The following TBC1D5 variants were observed in gnomAD, a reference collection of about 807,000 sequenced individuals.
TBC1D5 encodes the protein TBC1 domain family, member 5.
A neutral mutation model predicts 100.3 loss-of-function variants in TBC1D5; 75 were observed. The observed-to-expected ratio is 0.75, with a 90% CI of 0.62 to 0.91. The LOEUF (loss-of-function observed/expected upper bound fraction) is 0.91. TBC1D5 is among the 40% of genes least tolerant of loss of function. The pLI, the probability that TBC1D5 is intolerant of heterozygous loss-of-function variation, is 0.00. For synonymous variants in TBC1D5, 323 were observed against 325.6 expected (o/e 0.99, Z 0.09); for missense variants, 910 against 942.4 (o/e 0.97, Z 0.45).
intron 1 of TBC1D5, among the ~76,000 whole-genome samples, chr3:17,673,311 C>CTT (rs374496313): frequency 0.42 from 52,748 of 125,738 alleles, 12,239 homozygotes; most frequent in East Asian, 0.61. Flanking sequence ...CTTTTCTTTT[C>CTT]TTTTTTTTTT....
chr3:17,640,652 T>A (rs2064409329), intron 1 of TBC1D5, among the ~76,000 whole-genome samples: 1 of 152,060 alleles, frequency 6.6e-6, no homozygotes, highest in African/African-American at 2.4e-5. Flanking sequence ...GTGTTAGTCA[T>A]CAAAGACTAC....
chr3:17,533,629 C>T (rs958264160), intron 2 of TBC1D5, among the ~76,000 whole-genome samples: 2 of 152,118 alleles, frequency 1.3e-5, no homozygotes, highest in Non-Finnish European at 2.9e-5. Context: ...TTAATAGAGT[C>T]AGTATATAAT....
chr3:17,683,113 A>G (rs2069728863), intron 1 of TBC1D5, among the ~76,000 whole-genome samples: 1 of 151,620 alleles, frequency 6.6e-6, no homozygotes, highest in African/African-American at 2.4e-5. Context: ...GTTTAGAATT[A>G]TAATTGATTG....
At chr3:17,345,368 A>T (rs2089706660) in intron 13 of TBC1D5, among the ~76,000 whole-genome samples, 1 of 152,182 alleles carries the variant, frequency 6.6e-6, no homozygotes, top group South Asian at 2.1e-4. Flanking sequence ...AACCACAATG[A>T]GATACCATCT....
chr3:17,171,457 T>C (rs528860829), intron 19 of TBC1D5, among the ~76,000 whole-genome samples: 1 of 152,322 alleles, frequency 6.6e-6, no homozygotes, highest in East Asian at 1.9e-4. Flanking sequence ...GAAATCAAGC[T>C]GTTGGCAGGG....
At chr3:17,372,270 T>C (rs748095157) in intron 12 of TBC1D5, 23 bp from the exon 13 acceptor site, 4 of 1,569,900 alleles carry the variant, frequency 2.5e-6, no homozygotes, top group South Asian at 2.4e-5. Flanking sequence ...AAATTGAACA[T>C]GTATTATTTA....
At chr3:17,608,688 G>C (rs575746465) in intron 2 of TBC1D5, among the ~76,000 whole-genome samples, 1 of 152,196 alleles carries the variant, frequency 6.6e-6, no homozygotes, top group East Asian at 1.9e-4. Context: ...CAGAAGATCT[G>C]TTGTATTTTC....
intron 19 of TBC1D5, among the ~76,000 whole-genome samples, chr3:17,180,230 G>A (rs903665659): frequency 2.6e-5 from 4 of 152,156 alleles, no homozygotes; most frequent in Admixed American, 2.0e-4. Flanking sequence ...ATCACTTGGA[G>A]GTAATAAAAT....
chr3:17,242,124 C>T (rs1021336863), intron 16 of TBC1D5, among the ~76,000 whole-genome samples: 1 of 152,148 alleles, frequency 6.6e-6, no homozygotes, highest in African/African-American at 2.4e-5. Context: ...GGCTTTCTGA[C>T]CCGCACTCTA....
rs148700146 is a variant in TBC1D5, at chr3:17,732,148, T to C, written c.-101+7195A>G. On this transcript the variant is annotated intron_variant, in intron 1 of 21. Transcript: ENST00000253692. The stretch of plus-strand genomic sequence containing the variant: ...GCCTGGCCAATGTGGTGAAACCCCA[T>C]CTCTACTAAAAATACAAAAATTAGC... Among the ~76,000 whole-genome samples the C allele has an allele frequency of 5.3e-3, 808 of 151,582 alleles. 3 individuals carry two copies. Among genetic ancestry groups the C allele is most frequent in the Middle Eastern group, 0.01 (3 of 290 alleles).
intron 16 of TBC1D5, among the ~76,000 whole-genome samples, chr3:17,257,729 C>T (rs569965047): frequency 1.3e-5 from 2 of 152,326 alleles, no homozygotes; most frequent in African/African-American, 4.8e-5. Flanking sequence ...AACAGCAGAA[C>T]ACATTGTGTA....
At chr3:17,237,724 G>C (rs1243933225) in intron 17 of TBC1D5, among the ~76,000 whole-genome samples, 2 of 152,228 alleles carry the variant, frequency 1.3e-5, no homozygotes, top group Admixed American at 1.3e-4. Flanking sequence ...AGCTGGGTGA[G>C]AGACTGCAAG....
chr3:17,529,193 CT>C (rs150509068), intron 2 of TBC1D5, among the ~76,000 whole-genome samples: 10,503 of 152,234 alleles, frequency 0.069, 707 homozygotes, highest in African/African-American at 0.18. Context: ...CTGTGTGGCC[CT>C]TTAGCCACCA....
chr3:17,375,534 A>G (rs1385644490), intron 10 of TBC1D5, among the ~76,000 whole-genome samples: 1 of 151,936 alleles, frequency 6.6e-6, no homozygotes, highest in Non-Finnish European at 1.5e-5. Flanking sequence ...ACTGCTGCAT[A>G]GAGCAAGACT....
chr3:17,216,136 T>C (rs2073603945), intron 17 of TBC1D5, among the ~76,000 whole-genome samples: 1 of 152,122 alleles, frequency 6.6e-6, no homozygotes. Flanking sequence ...TGTGGCAGAT[T>C]TGGAGGGCTG....
chr3:17,662,388 T>A (rs2066749968), intron 1 of TBC1D5, among the ~76,000 whole-genome samples: 1 of 152,236 alleles, frequency 6.6e-6, no homozygotes, highest in African/African-American at 2.4e-5. Flanking sequence ...GGAGGTTACC[T>A]GGAAAGCCTT....
chr3:17,376,756 G>C lies in TBC1D5; in HGVS notation c.613-143C>G, dbSNP rs538276122. 7.3e-6 allele frequency: 4 copies of C among 549,160 alleles called. No homozygotes were observed. In the South Asian group the frequency reaches 1.6e-4, roughly 21 times the overall value. 34.0% of individuals were successfully genotyped at this position (549,160 alleles called of 1,614,324 possible). On this transcript the variant is annotated intron_variant, in intron 9 of 21. Coordinates refer to ENST00000253692, the Ensembl canonical transcript of TBC1D5. ...ACATAGAAACACATAAAAACGGAAA[G>C]CTACAAGATGAGATTTTTATCTACG... is the stretch of plus-strand genomic sequence containing the variant.
intron 2 of TBC1D5, among the ~76,000 whole-genome samples, chr3:17,620,247 TG>T (rs1462597386): frequency 4.3e-4 from 66 of 152,324 alleles, no homozygotes; most frequent in African/African-American, 1.6e-3. Flanking sequence ...CTCAAGTAGC[TG>T]GGATTACAGG....
At chr3:17,461,854 A>G (rs1322629823) in intron 3 of TBC1D5, among the ~76,000 whole-genome samples, 2 of 152,010 alleles carry the variant, frequency 1.3e-5, no homozygotes, top group Non-Finnish European at 2.9e-5. Context: ...TCTCCTCCCT[A>G]TCTATGCTTT....
Sources: gnomAD v4.1 joint callset for allele counts (sites outside exome capture counted in the v4.1 genomes callset) on GRCh38, gnomAD v4.1.1 for gene constraint, MANE v1.5 for transcripts, NCBI Gene and HGNC (gene_info 2026-07-23, HGNC 2026-07-21) for gene names.